The following PCDHA7 variants were observed in gnomAD, a reference collection of about 807,000 sequenced individuals.
The protein encoded by PCDHA7 is protocadherin alpha 7.
PCDHA7 carries 37 observed loss-of-function variants against 57.2 expected under a neutral mutation model. That is an observed-to-expected ratio of 0.65 (90% CI 0.50 to 0.85). The LOEUF is 0.85. Among genes scored for constraint, PCDHA7 ranks in the 40% least tolerant of loss-of-function variants. The pLI, the probability that PCDHA7 is intolerant of heterozygous loss-of-function variation, is 0.00. For synonymous variants in PCDHA7, 553 were observed against 558.8 expected, an observed-to-expected ratio of 0.99 and a Z score of 0.15; for missense variants, 1,188 against 1,241.8, an observed-to-expected ratio of 0.96 and a Z score of 0.65.
intron 1 of PCDHA7, among the ~76,000 whole-genome samples, chr5:140,912,377 A>T (rs1202586249): frequency 1.3e-5 from 2 of 149,084 alleles, no homozygotes; most frequent in Admixed American, 6.7e-5. Context: ...TGTAAAAGGG[A>T]TTGAGTTCTT....
intron 1 of PCDHA7, among the ~76,000 whole-genome samples, chr5:140,955,446 A>G (rs574900327): frequency 6.6e-6 from 1 of 152,194 alleles, no homozygotes; most frequent in Non-Finnish European, 1.5e-5. Context: ...TGATGGTTTT[A>G]TAAGGGCTTT....
intron 1 of PCDHA7, chr5:140,883,143 C>A (rs782699546): frequency 1.2e-6 from 2 of 1,614,042 alleles, no homozygotes; most frequent in South Asian, 1.1e-5. Context: ...GTGGTATATG[C>A]ATTTACCATA....
At chr5:140,877,631 C>A (rs1220029307) in intron 1 of PCDHA7, 2 of 1,613,768 alleles carry the variant, frequency 1.2e-6, no homozygotes, top group South Asian at 1.1e-5. Flanking sequence ...CTGTACACTG[C>A]GCTGCGTTGC....
chr5:140,885,566 G>T (rs190303990), intron 1 of PCDHA7, among the ~76,000 whole-genome samples: 3 of 152,162 alleles, frequency 2.0e-5, no homozygotes, highest in South Asian at 4.2e-4. Flanking sequence ...GAAATTGATT[G>T]TCAGATGTGG....
chr5:140,882,572 T>C, intron 1 of PCDHA7: 1 of 1,614,106 alleles, frequency 6.2e-7, no homozygotes, highest in Non-Finnish European at 8.5e-7. Flanking sequence ...GAGCGCGGAG[T>C]GCAGCATCCA....
intron 1 of PCDHA7, among the ~76,000 whole-genome samples, chr5:140,941,941 T>G (rs1461291615): frequency 1.3e-5 from 2 of 152,246 alleles, no homozygotes; most frequent in Admixed American, 1.3e-4. Context: ...TGAATTACTT[T>G]TGTTTTGAAA....
intron 1 of PCDHA7, among the ~76,000 whole-genome samples, chr5:140,931,140 G>C (rs1176305397): frequency 6.6e-6 from 1 of 152,070 alleles, no homozygotes; most frequent in African/African-American, 2.4e-5. Context: ...TATTTGCAGT[G>C]GATACTATTT....
At position 140,857,660 on chromosome 5, in the gene PCDHA7, G is replaced by A. The variant is rs368920437; in HGVS notation, c.2355+20922G>A. 9 of 1,596,734 alleles carry A rather than the reference G, an allele frequency of 5.6e-6. 1 individual carries two copies. Among genetic ancestry groups the A allele is most frequent in the Non-Finnish European group, 7.7e-6 (9 of 1,167,798 alleles). On this transcript the variant is annotated intron_variant, in intron 1 of 3. Coordinates refer to ENST00000525929, the MANE Select transcript of PCDHA7 (RefSeq NM_018910.3). ...GCTACAGTTCCAGGTGAGCGCGCGC[G>A]ATGGGGGCGTGCCGCCTCTGGGCAG...
rs1203554709 is a variant in PCDHA7 at position 140,835,098 on chromosome 5, GC to G, written c.719del (p.Pro240GlnfsTer10). On this transcript the variant is annotated frameshift_variant, in exon 1 of 4. Coordinates refer to ENST00000525929, the MANE Select transcript of PCDHA7 (RefSeq NM_018910.3). LOFTEE classifies it high-confidence loss of function. Reference sequence around the variant, plus strand: ...CACGGTACTGGACAACAATGACAATGCCCCAGTGTTCGACAGAACCCTGTAT... The same window carrying G: ...CACGGTACTGGACAACAATGACAATGCCCAGTGTTCGACAGAACCCTGTAT... ...LITVLDNNDN[A>X]PVFDRTLYTV... 6.4e-6 allele frequency: 8 copies of G among 1,244,734 alleles called. No individual in the cohort carries two copies. In the East Asian group the frequency reaches 1.8e-4, roughly 28 times the overall value. 77.1% of individuals were successfully genotyped at this position (1,244,734 alleles called of 1,614,324 possible).
At chr5:140,989,802 G>C (rs2153885493) in intron 3 of PCDHA7, among the ~76,000 whole-genome samples, 2 of 152,336 alleles carry the variant, frequency 1.3e-5, no homozygotes, top group South Asian at 4.1e-4. Flanking sequence ...CCAGGAAAGG[G>C]CCATAAGATT....
At chr5:140,937,446 G>A (rs1330877546) in intron 1 of PCDHA7, among the ~76,000 whole-genome samples, 1 of 152,088 alleles carries the variant, frequency 6.6e-6, no homozygotes, top group Non-Finnish European at 1.5e-5. Context: ...TATTTTAAAA[G>A]TTTAATTTTA....
At chr5:140,861,511 T>C in intron 1 of PCDHA7, 1 of 471,158 alleles carries the variant, frequency 2.1e-6, no homozygotes, top group South Asian at 1.7e-5. Flanking sequence ...CTCGAGGAGC[T>C]GTGTGGGAGG....
intron 1 of PCDHA7, chr5:140,841,894 G>T (rs2150324994): frequency 6.2e-7 from 1 of 1,613,814 alleles, no homozygotes; most frequent in Non-Finnish European, 8.5e-7. Flanking sequence ...AGAATAAACT[G>T]GTTGAGCTCG....
rs1467294389 is a variant in PCDHA7 at position 140,851,714 on chromosome 5, C to T, written c.2355+14976C>T. ...TAAAATGATCAGCCATGTGAAGATT[C>T]GAAACTTCGAGTTCTTTTGAAATTC... On this transcript the variant is annotated intron_variant, in intron 1 of 3. Coordinates refer to ENST00000525929, the MANE Select transcript of PCDHA7 (RefSeq NM_018910.3). The T allele has an allele frequency of 2.3e-5, 22 of 961,800 alleles. 2 individuals are homozygous for T. The highest frequency in any genetic ancestry group is 9.6e-5 in the South Asian group (2 of 20,808). The allele number at this position is 961,800 out of a possible 1,614,324, so 59.6% of individuals were successfully genotyped here.
At chr5:140,967,669 G>T (rs782398219) in intron 1 of PCDHA7, 1 of 1,614,126 alleles carries the variant, frequency 6.2e-7, no homozygotes, top group Non-Finnish European at 8.5e-7. Context: ...GCTACACGTC[G>T]GACCGGGAGA....
At chr5:140,876,192 G>A (rs782181168) in intron 1 of PCDHA7, 6 of 1,613,732 alleles carry the variant, frequency 3.7e-6, no homozygotes, top group African/African-American at 1.3e-5. Context: ...ACAATGGTCC[G>A]GCGTTTGATA....
At chr5:140,885,119 TTTTC>T (rs1425065169) in intron 1 of PCDHA7, among the ~76,000 whole-genome samples, 2 of 152,334 alleles carry the variant, frequency 1.3e-5, no homozygotes, top group East Asian at 3.9e-4. Context: ...TTAAGTGCAC[TTTTC>T]TTTCTTTCTT....
At chr5:140,961,975 C>T (rs1241757389) in intron 1 of PCDHA7, among the ~76,000 whole-genome samples, 1 of 152,034 alleles carries the variant, frequency 6.6e-6, no homozygotes, top group Non-Finnish European at 1.5e-5. Flanking sequence ...CCTCCGCCTC[C>T]TGGGTTCACG....
intron 1 of PCDHA7, among the ~76,000 whole-genome samples, chr5:140,910,796 C>T (rs2075173732): frequency 6.6e-6 from 1 of 152,112 alleles, no homozygotes; most frequent in South Asian, 2.1e-4. Flanking sequence ...ATGCAGAATC[C>T]CTGCTTAGTG....
Sources: allele counts gnomAD v4.1 joint callset (sites outside exome capture counted in the v4.1 genomes callset), GRCh38; gene constraint gnomAD v4.1.1; transcripts MANE v1.5; gene names NCBI Gene and HGNC (gene_info 2026-07-23, HGNC 2026-07-21).